Variants in KAT6B observed in about 807,000 individuals in gnomAD.
KAT6B encodes the protein histone acetyltransferase KAT6B.
In KAT6B, 10 loss-of-function variants were observed where a neutral mutation model predicts 187.5. The observed-to-expected ratio is 0.05, with a 90% CI of 0.03 to 0.09. The LOEUF is 0.09. KAT6B is among the 10% of genes least tolerant of loss of function. The pLI is 1.00. For missense variants in KAT6B, 1,952 were observed against 2,558.9 expected (o/e 0.76, Z 5.12); for synonymous variants, 861 against 926.8 (o/e 0.93, Z 1.29).
At chr10:74,854,554 T>A (rs1589478736) in intron 3 of KAT6B, among the ~76,000 whole-genome samples, 1 of 152,102 alleles carries the variant, frequency 6.6e-6, no homozygotes, top group Admixed American at 6.6e-5. Context: ...TGATACTAGA[T>A]TTAAACTATG....
chr10:74,994,032 T>G (rs769215959), intron 13 of KAT6B, among the ~76,000 whole-genome samples: 1 of 152,186 alleles, frequency 6.6e-6, no homozygotes, highest in Non-Finnish European at 1.5e-5. Context: ...TAAATATCAA[T>G]TCTCATCCAA....
chr10:74,975,137 A>G (rs1391570974), intron 7 of KAT6B, among the ~76,000 whole-genome samples: 1 of 152,144 alleles, frequency 6.6e-6, no homozygotes, highest in Non-Finnish European at 1.5e-5. Flanking sequence ...TAGTCTCTTC[A>G]GCATTTTTCT....
rs1163731247 is a variant in KAT6B, at chr10:75,031,935, T to C, written c.*889T>C. The stretch of plus-strand genomic sequence containing the variant: ...GCTATTTTATGGAAATGCCTCTAAC[T>C]TTACATTTTCATTCCATCTGTAGAT... On this transcript the variant is annotated 3_prime_UTR_variant, in exon 18 of 18. Coordinates refer to ENST00000287239, the MANE Select transcript of KAT6B (RefSeq NM_012330.4). The C allele has an allele frequency of 5.1e-6, 1 of 195,566 alleles. No individual in the cohort carries two copies. Among genetic ancestry groups the C allele is most frequent in the African/African-American group, 2.3e-5 (1 of 43,202 alleles). The allele number at this position is 195,566 out of a possible 1,614,324, so 12.1% of individuals were successfully genotyped here. A position where few individuals can be genotyped will look rare whatever the true frequency, so the allele number is the denominator to read the frequency against.
At chr10:74,996,331 GAAAACATTCT>G (rs1465927997) in intron 13 of KAT6B, among the ~76,000 whole-genome samples, 1 of 152,178 alleles carries the variant, frequency 6.6e-6, no homozygotes, top group Non-Finnish European at 1.5e-5. Flanking sequence ...AAGTTGAAAT[GAAAACATTCT>G]AGGCAGAGGG....
chr10:75,021,904 T>C lies in KAT6B; in HGVS notation c.3045T>C (p.Ala1015=), dbSNP rs970958797. The change falls in exon 16 of 18, where the codon GCT becomes GCC. Residue 1015 remains alanine, a synonymous_variant. Coordinates refer to ENST00000287239, the MANE Select transcript of KAT6B (RefSeq NM_012330.4). The part of the protein sequence containing the change: ...EKEAERLMEQ[A]SCWEKEEQEI... ...AGGCTGAGCGGCTAATGGAACAAGC[T>C]AGCTGCTGGGAGAAGGAGGAACAAG... 3 of 1,614,174 alleles carry C rather than the reference T, an allele frequency of 1.9e-6. No individual in the cohort carries two copies. Among genetic ancestry groups the C allele is most frequent in the Non-Finnish European group, 2.5e-6 (3 of 1,180,036 alleles).
intron 13 of KAT6B, among the ~76,000 whole-genome samples, chr10:74,996,477 A>G (rs1198541521): frequency 6.6e-6 from 1 of 152,228 alleles, no homozygotes; most frequent in East Asian, 1.9e-4. Flanking sequence ...ACACTTAAAA[A>G]GCTAGAGGAG....
intron 3 of KAT6B, among the ~76,000 whole-genome samples, chr10:74,910,874 G>A (rs1847154810): frequency 1.3e-5 from 2 of 152,174 alleles, no homozygotes; most frequent in South Asian, 2.1e-4. Flanking sequence ...TCCCGATCTT[G>A]GGCTTGAGGT....
intron 1 of KAT6B, among the ~76,000 whole-genome samples, chr10:74,830,243 C>T (rs1840649104): frequency 1.3e-5 from 2 of 151,936 alleles, no homozygotes; most frequent in South Asian, 4.1e-4. Flanking sequence ...TCGCAGACCC[C>T]AGAAAGAGAA....
At chr10:74,958,895 G>T (rs771235424) in intron 3 of KAT6B, among the ~76,000 whole-genome samples, 1 of 151,820 alleles carries the variant, frequency 6.6e-6, no homozygotes, top group Non-Finnish European at 1.5e-5. Context: ...AAAATTAGCC[G>T]GGTTTGGTGG....
At chr10:74,931,178 C>T (rs1480184424) in intron 3 of KAT6B, among the ~76,000 whole-genome samples, 2 of 152,082 alleles carry the variant, frequency 1.3e-5, no homozygotes, top group Non-Finnish European at 2.9e-5. Flanking sequence ...CTGGTAGGGG[C>T]GGTCAGTGAA....
intron 3 of KAT6B, among the ~76,000 whole-genome samples, chr10:74,927,336 T>C (rs1848578814): frequency 6.6e-6 from 1 of 152,146 alleles, no homozygotes; most frequent in Non-Finnish European, 1.5e-5. Context: ...TCACTGTTTC[T>C]GTGGGTATAA....
intron 3 of KAT6B, among the ~76,000 whole-genome samples, chr10:74,952,216 G>A (rs558641453): frequency 2.6e-4 from 40 of 152,156 alleles, no homozygotes; most frequent in African/African-American, 7.7e-4. Context: ...TTAGCTGGGC[G>A]TGGTAGTGCG....
At position 74,976,041 on chromosome 10, in the gene KAT6B, C is replaced by G. The variant is rs528694925; in HGVS notation, c.1704C>G (p.Pro568=). The G allele has an allele frequency of 1.5e-5, 24 of 1,614,204 alleles. No homozygotes were observed. The South Asian group carries it at 2.6e-4, about 18-fold the overall frequency. The part of the protein sequence containing the change: ...RKKGHPSYAP[P]KRMRRKTELS... Reference sequence around the variant, plus strand: ...AGGGACACCCGAGTTATGCACCACCCAAACGTATGCGTCGTAAAACTGAAT... The same window carrying G: ...AGGGACACCCGAGTTATGCACCACCGAAACGTATGCGTCGTAAAACTGAAT... The change falls in exon 8 of 18, where the codon CCC becomes CCG. Residue 568 remains proline, a synonymous_variant. Transcript: ENST00000287239.
chr10:75,012,563 C>A (rs1336348567), intron 13 of KAT6B, among the ~76,000 whole-genome samples: 1 of 152,218 alleles, frequency 6.6e-6, no homozygotes, highest in African/African-American at 2.4e-5. Flanking sequence ...CACGTGCTAT[C>A]CTGGCACCTC....
At chr10:75,023,083 A>G (rs1477794275) in intron 16 of KAT6B, among the ~76,000 whole-genome samples, 1 of 152,236 alleles carries the variant, frequency 6.6e-6, no homozygotes. Flanking sequence ...CTCAGATCTT[A>G]GTAGCCCAGT....
intron 3 of KAT6B, among the ~76,000 whole-genome samples, chr10:74,949,679 T>C (rs536112991): frequency 7.5e-6 from 1 of 133,604 alleles, no homozygotes; most frequent in South Asian, 2.4e-4. Flanking sequence ...CCTTCTCTCG[T>C]CTTACTCCGT....
intron 3 of KAT6B, among the ~76,000 whole-genome samples, chr10:74,925,410 C>G (rs1848426331): frequency 6.7e-6 from 1 of 149,596 alleles, no homozygotes; most frequent in Non-Finnish European, 1.5e-5. Context: ...ACCCCCACCC[C>G]CCTTTTTCCC....
rs772255130 is a variant in KAT6B, at chr10:75,029,456, C to T, written c.4632C>T (p.Ala1544=). The T allele has an allele frequency of 6.8e-6, 11 of 1,614,104 alleles. No individual in the cohort carries two copies. The highest frequency in any genetic ancestry group is 2.7e-5 in the African/African-American group (2 of 75,004). The change falls in exon 18 of 18, where the codon GCC becomes GCT. Residue 1544 remains alanine, a synonymous_variant. Coordinates refer to ENST00000287239, the MANE Select transcript of KAT6B (RefSeq NM_012330.4). The surrounding 1 kb of genome is among the most constrained non-coding windows in gnomAD (Gnocchi z 6.2). ...AAATCGACTCTGAGACTGTCCAGGC[C>T]GTTCAGTCTTTGACCCAGGAGAGCA... ...TMEIDSETVQ[A]VQSLTQESSE... is the part of the protein sequence containing the mutation.
intron 13 of KAT6B, among the ~76,000 whole-genome samples, chr10:75,009,552 G>A (rs1451673034): frequency 6.6e-6 from 1 of 152,102 alleles, no homozygotes; most frequent in African/African-American, 2.4e-5. Flanking sequence ...ACAGAATAGC[G>A]GTTCATTCCA....
Sources: allele counts gnomAD v4.1 joint callset (sites outside exome capture counted in the v4.1 genomes callset), GRCh38; gene constraint gnomAD v4.1.1; non-coding constraint Gnocchi (gnomAD v3.1); transcripts MANE v1.5; gene names NCBI Gene and HGNC (gene_info 2026-07-23, HGNC 2026-07-21).